The following NRXN3 variants were observed in gnomAD, a reference collection of about 807,000 sequenced individuals.
The protein encoded by NRXN3 is neurexin 3.
Under a neutral mutation model 137.6 loss-of-function variants are expected in NRXN3, and 32 were observed. The observed-to-expected ratio is 0.23, with a 90% confidence interval of 0.18 to 0.31. The LOEUF is 0.31. Among genes scored for constraint, NRXN3 ranks in the 10% least tolerant of loss-of-function variants. The pLI, the probability that NRXN3 is intolerant of heterozygous loss-of-function variation, is 1.00. For missense variants in NRXN3, 1,574 were observed against 2,062.5 expected (o/e 0.76, Z 4.59); for synonymous variants, 798 against 784.5 (o/e 1.02, Z -0.29).
chr14:79,759,498 A>T (rs1042460787), intron 19 of NRXN3, among the ~76,000 whole-genome samples: 2 of 151,718 alleles, frequency 1.3e-5, no homozygotes, highest in African/African-American at 4.9e-5. Flanking sequence ...TGAGCAATTA[A>T]AAAAAGCTAT....
intron 4 of NRXN3, among the ~76,000 whole-genome samples, chr14:78,427,239 C>A (rs1046750397): frequency 6.6e-6 from 1 of 152,158 alleles, no homozygotes; most frequent in Admixed American, 6.5e-5. Context: ...ACTTCCCCTG[C>A]AGGGAAATAG....
chr14:78,729,973 T>C (rs1469934730), intron 8 of NRXN3, among the ~76,000 whole-genome samples: 1 of 152,238 alleles, frequency 6.6e-6, no homozygotes, highest in East Asian at 1.9e-4. Flanking sequence ...AGGAACTTAG[T>C]ACCTGCTAGA....
chr14:79,827,995 C>T (rs12895492), intron 20 of NRXN3, among the ~76,000 whole-genome samples: 46,547 of 151,910 alleles, frequency 0.31, 7,805 homozygotes, highest in Admixed American at 0.43. Flanking sequence ...AGCACCTGGC[C>T]GCCACAAACT....
intron 15 of NRXN3, among the ~76,000 whole-genome samples, chr14:79,351,312 G>C (rs112129727): frequency 6.6e-6 from 1 of 152,188 alleles, no homozygotes; most frequent in Non-Finnish European, 1.5e-5. Context: ...CTGGTGGAAT[G>C]TATAATCTTG....
chr14:78,526,039 G>A (rs1257821794), intron 4 of NRXN3, among the ~76,000 whole-genome samples: 1 of 152,162 alleles, frequency 6.6e-6, no homozygotes, highest in Non-Finnish European at 1.5e-5. Flanking sequence ...TGGAACTCAG[G>A]CCACATGATT....
intron 4 of NRXN3, among the ~76,000 whole-genome samples, chr14:78,473,210 G>A (rs532162155): frequency 6.6e-6 from 1 of 152,072 alleles, no homozygotes; most frequent in East Asian, 1.9e-4. Flanking sequence ...AGACCATCCT[G>A]GCTAACATGG....
intron 16 of NRXN3, among the ~76,000 whole-genome samples, chr14:79,628,503 G>A (rs1251364400): frequency 6.6e-6 from 1 of 152,184 alleles, no homozygotes; most frequent in Non-Finnish European, 1.5e-5. Context: ...AGAGTGTGGG[G>A]CTTTGACTAG....
At chr14:79,421,270 T>C (rs934926757) in intron 15 of NRXN3, among the ~76,000 whole-genome samples, 2 of 152,172 alleles carry the variant, frequency 1.3e-5, no homozygotes, top group African/African-American at 2.4e-5. Context: ...TTTAATATAC[T>C]TCAGTGGGAA....
chr14:78,394,382 GT>G (rs370191117), intron 4 of NRXN3, among the ~76,000 whole-genome samples: 10 of 151,952 alleles, frequency 6.6e-5, no homozygotes, highest in African/African-American at 2.4e-4. Flanking sequence ...ACATTGATAG[GT>G]TTTTGAATAT....
intron 4 of NRXN3, among the ~76,000 whole-genome samples, chr14:78,546,759 TA>T (rs1213441272): frequency 6.6e-6 from 1 of 152,196 alleles, no homozygotes. Context: ...TAAGCATTGT[TA>T]TATAGGCACT....
intron 4 of NRXN3, among the ~76,000 whole-genome samples, chr14:78,324,589 A>C (rs967761612): frequency 3.3e-5 from 5 of 152,190 alleles, no homozygotes; most frequent in African/African-American, 1.2e-4. Context: ...GAGACAGTTA[A>C]ACAGAGAAAA....
At chr14:79,235,727 T>C (rs1436181798) in intron 15 of NRXN3, among the ~76,000 whole-genome samples, 2 of 152,150 alleles carry the variant, frequency 1.3e-5, no homozygotes, top group Non-Finnish European at 2.9e-5. Context: ...GAATCTTTAA[T>C]CCAGAGTTGA....
intron 16 of NRXN3, among the ~76,000 whole-genome samples, chr14:79,475,948 G>A (rs575424456): frequency 1.3e-5 from 2 of 152,206 alleles, no homozygotes; most frequent in South Asian, 2.1e-4. Flanking sequence ...AATGCAACAA[G>A]CAAGGCAAAC....
At chr14:79,525,163 T>G (rs2097106789) in intron 16 of NRXN3, among the ~76,000 whole-genome samples, 1 of 152,270 alleles carries the variant, frequency 6.6e-6, no homozygotes, top group African/African-American at 2.4e-5. Context: ...AGAATGGGAC[T>G]GAGAAACAGG....
intron 4 of NRXN3, among the ~76,000 whole-genome samples, chr14:78,576,207 A>T (rs1484091584): frequency 6.6e-6 from 1 of 152,166 alleles, no homozygotes; most frequent in Non-Finnish European, 1.5e-5. Context: ...TCTCATCCTG[A>T]TCAGACCTTT....
intron 6 of NRXN3, among the ~76,000 whole-genome samples, chr14:78,653,710 TAC>T (rs10650669): frequency 0.048 from 6,802 of 142,712 alleles, 215 homozygotes; most frequent in African/African-American, 0.098. Context: ...GAAAATAAAA[TAC>T]ACACACACAC....
At chr14:79,738,315 C>CACA in intron 19 of NRXN3, among the ~76,000 whole-genome samples, 1 of 138,052 alleles carries the variant, frequency 7.2e-6, no homozygotes, top group East Asian at 2.2e-4. Context: ...ATTTCCCCCG[C>CACA]CACACACACA....
intron 16 of NRXN3, among the ~76,000 whole-genome samples, chr14:79,481,010 A>G (rs752362489): frequency 5.7e-4 from 86 of 152,134 alleles, no homozygotes; most frequent in Non-Finnish European, 4.4e-4. Context: ...AAGGACTAAT[A>G]CACTTACTTT....
At chr14:79,139,870 G>A (rs2058628407) in intron 15 of NRXN3, among the ~76,000 whole-genome samples, 1 of 150,736 alleles carries the variant, frequency 6.6e-6, no homozygotes, top group South Asian at 2.1e-4. Flanking sequence ...CATGCTCAAA[G>A]GCTTTCTTGG....
Sources: allele counts gnomAD v4.1 joint callset (sites outside exome capture counted in the v4.1 genomes callset), GRCh38; gene constraint gnomAD v4.1.1; transcripts MANE v1.5; gene names NCBI Gene and HGNC (gene_info 2026-07-23, HGNC 2026-07-21).